The following CCSER1 variants were observed in gnomAD, a reference collection of about 807,000 sequenced individuals.
CCSER1 encodes the protein coiled-coil serine rich protein 1.
Under a neutral mutation model 82.0 loss-of-function variants are expected in CCSER1, and 41 were observed. That is an observed-to-expected ratio of 0.50 (90% confidence interval 0.39 to 0.65). CCSER1 has a LOEUF of 0.65. Among genes scored for constraint, CCSER1 ranks in the 30% least tolerant of loss-of-function variants. CCSER1 has a pLI of 0.00. For synonymous variants in CCSER1, 414 were observed against 383.9 expected (o/e 1.08, Z -0.92); for missense variants, 1,119 against 1,064.2 (o/e 1.05, Z -0.72).
intron 10 of CCSER1, among the ~76,000 whole-genome samples, chr4:91,477,434 T>C (rs1011168890): frequency 4.0e-5 from 6 of 151,732 alleles, no homozygotes; most frequent in Non-Finnish European, 7.4e-5. Context: ...AGCTATGAAA[T>C]GCAGGGTTTG....
At chr4:90,456,840 C>T (rs986474505) in intron 4 of CCSER1, among the ~76,000 whole-genome samples, 3 of 152,172 alleles carry the variant, frequency 2.0e-5, no homozygotes, top group East Asian at 1.9e-4. Flanking sequence ...CCTGGATGAG[C>T]CCCCCAAAAT....
intron 10 of CCSER1, among the ~76,000 whole-genome samples, chr4:91,139,024 C>T (rs1183344804): frequency 6.6e-6 from 1 of 152,114 alleles, no homozygotes; most frequent in Non-Finnish European, 1.5e-5. Context: ...TCAAACCTTG[C>T]CCCTCTCCCT....
chr4:90,273,699 G>A (rs1461906050), intron 1 of CCSER1, among the ~76,000 whole-genome samples: 1 of 152,028 alleles, frequency 6.6e-6, no homozygotes, highest in African/African-American at 2.4e-5. Context: ...ACATTCTGAG[G>A]TCAATCTCAA....
chr4:91,165,050 T>C (rs2148987396), intron 10 of CCSER1, among the ~76,000 whole-genome samples: 1 of 152,312 alleles, frequency 6.6e-6, no homozygotes, highest in Non-Finnish European at 1.5e-5. Flanking sequence ...TGCTCTGGTT[T>C]CTCCCCATCT....
chr4:90,802,732 A>G (rs895613085), intron 7 of CCSER1, among the ~76,000 whole-genome samples: 1 of 152,180 alleles, frequency 6.6e-6, no homozygotes, highest in African/African-American at 2.4e-5. Flanking sequence ...TTATTTCACT[A>G]GCTACCCAGG....
intron 1 of CCSER1, among the ~76,000 whole-genome samples, chr4:90,139,517 A>G (rs896397010): frequency 4.6e-5 from 7 of 151,788 alleles, no homozygotes; most frequent in African/African-American, 1.7e-4. Context: ...ATTTTATTCT[A>G]TTTTTTTCAC....
intron 3 of CCSER1, among the ~76,000 whole-genome samples, chr4:90,362,625 A>G (rs1745564565): frequency 6.6e-6 from 1 of 152,128 alleles, no homozygotes; most frequent in Non-Finnish European, 1.5e-5. Context: ...TCCTACCCAC[A>G]TGCTGCCTGA....
intron 9 of CCSER1, among the ~76,000 whole-genome samples, chr4:91,047,195 C>T (rs1742583060): frequency 6.6e-6 from 1 of 151,954 alleles, no homozygotes; most frequent in South Asian, 2.1e-4. Flanking sequence ...ACTTACTTTT[C>T]AGTTTTATAA....
At chr4:90,720,044 C>T (rs993329703) in intron 6 of CCSER1, among the ~76,000 whole-genome samples, 6 of 152,192 alleles carry the variant, frequency 3.9e-5, no homozygotes, top group Admixed American at 3.3e-4. Context: ...TTGAGTTATA[C>T]TCTGTAGTAT....
chr4:90,573,277 A>G (rs554754799), intron 5 of CCSER1, among the ~76,000 whole-genome samples: 2 of 152,266 alleles, frequency 1.3e-5, no homozygotes. Flanking sequence ...TACAGCAGGC[A>G]TCTTTCTGGG....
chr4:91,128,898 A>T (rs2148904341), intron 10 of CCSER1, among the ~76,000 whole-genome samples: 1 of 152,216 alleles, frequency 6.6e-6, no homozygotes, highest in African/African-American at 2.4e-5. Flanking sequence ...GAATAGTGTA[A>T]TTTATTTATG....
chr4:90,609,162 T>C (rs1785134548), intron 5 of CCSER1, among the ~76,000 whole-genome samples: 1 of 152,126 alleles, frequency 6.6e-6, no homozygotes, highest in African/African-American at 2.4e-5. Flanking sequence ...ATATTTATAC[T>C]TAGACGTTTG....
intron 10 of CCSER1, among the ~76,000 whole-genome samples, chr4:91,224,539 C>A (rs1581799349): frequency 1.3e-5 from 2 of 152,124 alleles, no homozygotes; most frequent in East Asian, 1.9e-4. Context: ...ACGTGACTAA[C>A]TGAAATTTTA....
At chr4:90,156,209 C>T (rs1441498156) in intron 1 of CCSER1, among the ~76,000 whole-genome samples, 1 of 152,130 alleles carries the variant, frequency 6.6e-6, no homozygotes, top group Non-Finnish European at 1.5e-5. Context: ...ATCCTGAGTT[C>T]TAGTTTGATT....
chr4:90,880,266 G>A (rs754869975), intron 8 of CCSER1, among the ~76,000 whole-genome samples: 2 of 152,128 alleles, frequency 1.3e-5, no homozygotes, highest in Admixed American at 6.6e-5. Flanking sequence ...ACCAGAGGAA[G>A]GAACCTTAGT....
At chr4:90,399,962 G>T in intron 3 of CCSER1, 74 bp from the exon 4 acceptor site, 2 of 729,120 alleles carry the variant, frequency 2.7e-6, no homozygotes, top group African/African-American at 1.8e-5. Flanking sequence ...TTTGCTTCAC[G>T]GCTTCCACAT....
At chr4:91,518,907 T>C (rs1473478822) in intron 10 of CCSER1, among the ~76,000 whole-genome samples, 3 of 152,144 alleles carry the variant, frequency 2.0e-5, no homozygotes, top group Non-Finnish European at 2.9e-5. Context: ...GGGTTAGGCT[T>C]TCCCAGGGAA....
At chr4:91,562,597 G>A (rs963202563) in intron 10 of CCSER1, among the ~76,000 whole-genome samples, 1 of 151,476 alleles carries the variant, frequency 6.6e-6, no homozygotes, top group Non-Finnish European at 1.5e-5. Flanking sequence ...GTCAAGAATT[G>A]TAGACCCACT....
At chr4:91,222,825 TAA>T (rs1157809902) in intron 10 of CCSER1, among the ~76,000 whole-genome samples, 2 of 152,210 alleles carry the variant, frequency 1.3e-5, no homozygotes, top group Non-Finnish European at 2.9e-5. Flanking sequence ...AAACTGACTT[TAA>T]ATGTTAATTA....
Sources: gnomAD v4.1 joint callset for allele counts (sites outside exome capture counted in the v4.1 genomes callset) on GRCh38, gnomAD v4.1.1 for gene constraint, MANE v1.5 for transcripts, NCBI Gene and HGNC (gene_info 2026-07-23, HGNC 2026-07-21) for gene names.